The following THSD7A variants were observed in gnomAD, a reference collection of about 807,000 sequenced individuals.
THSD7A encodes the protein thrombospondin type 1 domain containing 7A.
THSD7A carries 96 observed loss-of-function variants against 231.3 expected under a neutral mutation model. The ratio of observed to expected loss-of-function variants is 0.41; its 90% CI spans 0.35 to 0.49. The LOEUF is 0.49. Among genes scored for constraint, THSD7A ranks in the 20% least tolerant of loss-of-function variants. The probability of loss-of-function intolerance (pLI) is 0.05; values close to 1 mark genes in which losing one functional copy is unlikely to be tolerated. For missense variants in THSD7A, 2,290 were observed against 2,070.2 expected (o/e 1.11, Z -2.06); for synonymous variants, 940 against 743.3 (o/e 1.26, Z -4.30).
chr7:11,523,069 T>C (rs1336937757), intron 6 of THSD7A, among the ~76,000 whole-genome samples: 4 of 152,122 alleles, frequency 2.6e-5, no homozygotes. Flanking sequence ...TAGTCACACA[T>C]ATTTCAATAT....
At chr7:11,804,377 C>T (rs1302680930) in intron 1 of THSD7A, among the ~76,000 whole-genome samples, 1 of 152,094 alleles carries the variant, frequency 6.6e-6, no homozygotes, top group Non-Finnish European at 1.5e-5. Context: ...TTCCAGAAAA[C>T]ACATGATTTG....
At chr7:11,645,587 T>A (rs1290918300) in intron 1 of THSD7A, among the ~76,000 whole-genome samples, 1 of 151,806 alleles carries the variant, frequency 6.6e-6, no homozygotes, top group African/African-American at 2.4e-5. Context: ...AGTTAGACAA[T>A]TTTACCAGGA....
Position 11,593,518 on chromosome 7 carries a change from G to T in THSD7A, c.1023-16C>A. The T allele has an allele frequency of 6.2e-7, 1 of 1,612,302 alleles. No homozygotes were observed. The highest frequency in any genetic ancestry group is 1.3e-5 in the African/African-American group (1 of 74,968). The stretch of plus-strand genomic sequence containing the variant: ...CTGGCAAAAGCTGTAAAAGAGCATT[G>T]ATATTCTCATTACAGACTCACAGGC... On this transcript the variant is annotated splice_polypyrimidine_tract_variant and intron_variant, in intron 2 of 27. Coordinates refer to ENST00000423059, the MANE Select transcript of THSD7A (RefSeq NM_015204.3).
intron 23 of THSD7A, among the ~76,000 whole-genome samples, chr7:11,391,046 G>C (rs767396187): frequency 1.3e-5 from 2 of 152,190 alleles, no homozygotes; most frequent in African/African-American, 2.4e-5. Flanking sequence ...CTACTGGGAG[G>C]TGTCTCCCAG....
chr7:11,620,523 G>A (rs1273786178), intron 2 of THSD7A, among the ~76,000 whole-genome samples: 1 of 152,098 alleles, frequency 6.6e-6, no homozygotes, highest in Non-Finnish European at 1.5e-5. Flanking sequence ...GCAGAACAAT[G>A]GGTATGGTTT....
At chr7:11,783,109 A>T (rs1783684534) in intron 1 of THSD7A, among the ~76,000 whole-genome samples, 1 of 152,172 alleles carries the variant, frequency 6.6e-6, no homozygotes, top group Non-Finnish European at 1.5e-5. Context: ...CATCAGCAAT[A>T]ACATTGATAA....
intron 9 of THSD7A, among the ~76,000 whole-genome samples, chr7:11,464,890 T>A (rs1217133468): frequency 6.6e-6 from 1 of 152,160 alleles, no homozygotes; most frequent in Non-Finnish European, 1.5e-5. Flanking sequence ...GTACTCAAAG[T>A]TACAGCGCTG....
chr7:11,447,138 T>C, intron 12 of THSD7A, 92 bp downstream of exon 12: 1 of 1,238,482 alleles, frequency 8.1e-7, no homozygotes, highest in South Asian at 1.4e-5. Context: ...CATATTATTT[T>C]TCAAATACAC....
intron 1 of THSD7A, chr7:11,820,711 G>T: frequency 2.0e-6 from 2 of 979,596 alleles, no homozygotes; most frequent in Non-Finnish European, 3.3e-6. Context: ...AGCCCGTGGA[G>T]CTCTCCTCTC....
intron 1 of THSD7A, among the ~76,000 whole-genome samples, chr7:11,757,577 A>C (rs918564107): frequency 1.3e-5 from 2 of 152,058 alleles, no homozygotes; most frequent in African/African-American, 4.8e-5. Context: ...TATTTAAGTA[A>C]TACTAACTCA....
At chr7:11,829,676 C>T (rs1350562675) in intron 1 of THSD7A, among the ~76,000 whole-genome samples, 1 of 152,074 alleles carries the variant, frequency 6.6e-6, no homozygotes, top group South Asian at 2.1e-4. Flanking sequence ...GTGATACACA[C>T]ATAGTGATTC....
chr7:11,693,173 G>C (rs533494154), intron 1 of THSD7A, among the ~76,000 whole-genome samples: 43 of 151,584 alleles, frequency 2.8e-4, no homozygotes, highest in African/African-American at 9.2e-4. Context: ...AAAAATAGTA[G>C]AATTGCATTT....
At position 11,636,684 on chromosome 7, in the gene THSD7A, C is replaced by T; in HGVS notation, c.468G>A (p.Arg156=). The change falls in exon 2 of 28, where the codon AGG becomes AGA. Residue 156 remains arginine, a synonymous_variant. Coordinates refer to ENST00000423059, the MANE Select transcript of THSD7A (RefSeq NM_015204.3). This position sits in a 1 kb window ranked among gnomAD's most constrained non-coding sequence, Gnocchi z 10.0. ...TGTCTTTCTGGATGCACGCTATCTC[C>T]CTCACCTGAATACCTTCTTCCCCCT... ...CIKGEEGIQV[R]EIACIQKDKD... is the part of the protein sequence containing the mutation. 1.9e-6 allele frequency: 3 copies of T among 1,614,006 alleles called. No homozygotes were observed. Among genetic ancestry groups the T allele is most frequent in the South Asian group, 1.1e-5 (1 of 91,090 alleles).
At chr7:11,674,616 C>T (rs78448271) in intron 1 of THSD7A, among the ~76,000 whole-genome samples, 1 of 152,086 alleles carries the variant, frequency 6.6e-6, no homozygotes, top group African/African-American at 2.4e-5. Context: ...CACAAAGACA[C>T]AAAGCCAATT....
At chr7:11,379,502 G>T (rs544801249) in intron 25 of THSD7A, 128 bp downstream of exon 25, 2 of 951,744 alleles carry the variant, frequency 2.1e-6, no homozygotes, top group Admixed American at 2.5e-5. Flanking sequence ...ATTGATAAAA[G>T]GAGATGTCTA....
chr7:11,466,578 G>A (rs1178316172), intron 9 of THSD7A, among the ~76,000 whole-genome samples: 1 of 152,012 alleles, frequency 6.6e-6, no homozygotes, highest in African/African-American at 2.4e-5. Context: ...ATACCCAACT[G>A]AGGTGATTTT....
chr7:11,492,515 C>G lies in THSD7A; in HGVS notation c.1823-10533G>C, dbSNP rs184513284. On this transcript the variant is annotated intron_variant, in intron 6 of 27. Transcript: ENST00000423059. ...AGTAAGACCAAATGACTTACACATT[C>G]TATATTTATCACACGAAAACAAGCA... Among the ~76,000 whole-genome samples, 8 of 152,062 alleles carry G rather than the reference C, an allele frequency of 5.3e-5. No individual in the cohort carries two copies. The East Asian group carries it at 1.4e-3, about 26-fold the overall frequency.
chr7:11,376,699 G>A (rs764377905), intron 26 of THSD7A, 42 bp from the exon 27 acceptor site: 23 of 1,431,330 alleles, frequency 1.6e-5, no homozygotes, highest in Non-Finnish European at 2.1e-5. Flanking sequence ...CATTAGTCTG[G>A]TATACATGAG....
At chr7:11,379,862 C>T in intron 24 of THSD7A, 150 bp from the exon 25 acceptor site, 1 of 799,616 alleles carries the variant, frequency 1.3e-6, no homozygotes, top group Non-Finnish European at 2.0e-6. Context: ...ATTTGGTTAA[C>T]CTTGACCACC....
Sources: gnomAD v4.1 joint callset for allele counts (sites outside exome capture counted in the v4.1 genomes callset) on GRCh38, gnomAD v4.1.1 for gene constraint, Gnocchi (gnomAD v3.1) non-coding constraint, MANE v1.5 for transcripts, NCBI Gene and HGNC (gene_info 2026-07-23, HGNC 2026-07-21) for gene names.